BAD: variants seen among roughly 807,000 people sequenced by gnomAD.
BAD encodes the protein BCL2 associated agonist of cell death, also known as bcl2-associated agonist of cell death.
In BAD, 18 loss-of-function variants were observed where a neutral mutation model predicts 17.8. That is an observed-to-expected ratio of 1.01 (90% confidence interval 0.70 to 1.50). The LOEUF is 1.50. BAD is among the 40% of genes most tolerant of loss of function. The pLI is 0.00. For synonymous variants in BAD, 112 were observed against 91.5 expected (o/e 1.22, Z -1.28); for missense variants, 294 against 239.3 (o/e 1.23, Z -1.51).
In BAD at chr11:64,269,879, C is replaced by CA. The variant is rs1204242079; in HGVS notation, c.*329dup. On this transcript the variant is annotated 3_prime_UTR_variant, in exon 4 of 4. Transcript: ENST00000309032. ...AACATTTGGTAGTGAGCACGGCCCC[C>CA]AGGGCATCGCGGGGGCTCGGGTCCC... is the stretch of plus-strand genomic sequence containing the variant. 1.0e-5 allele frequency: 7 copies of CA among 699,254 alleles called. No homozygotes were observed. Among genetic ancestry groups the CA allele is most frequent in the African/African-American group, 1.7e-5 (1 of 57,180 alleles). The allele number at this position is 699,254 out of a possible 1,614,324, so 43.3% of individuals were successfully genotyped here. A position where few individuals can be genotyped will look rare whatever the true frequency, so the allele number is the denominator to read the frequency against.
intron 2 of BAD, among the ~76,000 whole-genome samples, chr11:64,282,957 C>G (rs749731290): frequency 1.3e-5 from 2 of 151,364 alleles, no homozygotes; most frequent in Non-Finnish European, 2.9e-5. Context: ...TTCCCAGTTA[C>G]GTGGGAGGAT....
rs927566353 is a variant in BAD, at chr11:64,271,634, G to A, written c.357C>T (p.Asp119=). 6.7e-7 allele frequency: 1 copy of A among 1,501,750 alleles called. No homozygotes were observed. Among genetic ancestry groups the A allele is most frequent in the South Asian group, 1.3e-5 (1 of 79,300 alleles). 93.0% of individuals were successfully genotyped at this position (1,501,750 alleles called of 1,614,324 possible). ...TCACCTTAAAGGAGTCCACAAACTC[G>A]TCACTCATCCTCCGGAGCTCGCGGC... ...RYGRELRRMS[D]EFVDSFKKGL... is the part of the protein sequence containing the mutation. The change falls in exon 3 of 4, where the codon GAC becomes GAT. Residue 119 remains aspartate (D), a synonymous_variant. Transcript: ENST00000309032.
intron 2 of BAD, chr11:64,275,832 C>T (rs2033016887): frequency 6.6e-6 from 1 of 151,972 alleles, no homozygotes; most frequent in South Asian, 2.1e-4. Context: ...GCAGAAGACA[C>T]TGGGCAGGTA....
chr11:64,274,708 C>G (rs1397524263), intron 2 of BAD, among the ~76,000 whole-genome samples: 5 of 152,056 alleles, frequency 3.3e-5, no homozygotes, highest in Non-Finnish European at 7.4e-5. Flanking sequence ...GTAATCCCAG[C>G]TACTCAGGAG....
At chr11:64,283,957 G>A (rs2033658081) in intron 2 of BAD, among the ~76,000 whole-genome samples, 1 of 152,320 alleles carries the variant, frequency 6.6e-6, no homozygotes, top group Non-Finnish European at 1.5e-5. Context: ...TAGCTTTAAT[G>A]TGCACCAGCT....
chr11:64,270,898 GAGACACACACACACAC>G (rs1565343969), intron 3 of BAD, among the ~76,000 whole-genome samples: 2 of 86,852 alleles, frequency 2.3e-5, no homozygotes, highest in Non-Finnish European at 4.7e-5. Flanking sequence ...CATGCCCTGT[GAGACACACACACACAC>G]ACACACACAC....
intron 2 of BAD, chr11:64,276,990 C>T (rs1303103409): frequency 8.3e-6 from 6 of 726,968 alleles, no homozygotes; most frequent in African/African-American, 6.9e-5. Flanking sequence ...AGCATCCCTG[C>T]ACTGGGATTT....
Position 64,270,027 on chromosome 11 carries a change from G to A in BAD, c.*182C>T. 2 of 1,212,104 alleles carry A rather than the reference G, an allele frequency of 1.7e-6. No homozygotes were observed. The highest frequency in any genetic ancestry group is 2.3e-6 in the Non-Finnish European group (2 of 861,802). The allele number at this position is 1,212,104 out of a possible 1,614,324, so 75.1% of individuals were successfully genotyped here. A position where few individuals can be genotyped will look rare whatever the true frequency, so the allele number is the denominator to read the frequency against. On this transcript the variant is annotated 3_prime_UTR_variant, in exon 4 of 4. Transcript: ENST00000309032. ...TGTGGGCGGAAAACCCAAAACTTCC[G>A]ATGGGACCAAGCCTTCCGTGGCTTC... is the stretch of plus-strand genomic sequence containing the variant.
chr11:64,280,603 G>A (rs1012829723), intron 2 of BAD, among the ~76,000 whole-genome samples: 2 of 150,526 alleles, frequency 1.3e-5, no homozygotes, highest in Non-Finnish European at 3.0e-5. Context: ...CGCCCGCCTC[G>A]GCCTCCCAAA....
intron 2 of BAD, among the ~76,000 whole-genome samples, chr11:64,272,339 A>G (rs2032698500): frequency 6.6e-6 from 1 of 151,666 alleles, no homozygotes; most frequent in Non-Finnish European, 1.5e-5. Flanking sequence ...AAAAGCAAGA[A>G]GTATTATTAG....
At chr11:64,276,906 C>A in intron 2 of BAD, 1 of 761,250 alleles carries the variant, frequency 1.3e-6, no homozygotes, top group East Asian at 2.5e-5. Context: ...CATGGCACCT[C>A]TAGCTTTACA....
intron 3 of BAD, 39 bp from the exon 4 acceptor site, chr11:64,270,376 C>A: frequency 6.6e-7 from 1 of 1,514,054 alleles, no homozygotes. Flanking sequence ...GTTAGATTAC[C>A]ATGGCAGCTC....
At position 64,271,648 on chromosome 11, in the gene BAD, G is replaced by A. The variant is rs1174857060; in HGVS notation, c.343C>T (p.Arg115Trp). 16 of 1,504,720 alleles carry A rather than the reference G, an allele frequency of 1.1e-5. No homozygotes were observed. The highest frequency in any genetic ancestry group is 1.4e-5 in the Non-Finnish European group (16 of 1,126,344). The allele number at this position is 1,504,720 out of a possible 1,614,324, so 93.2% of individuals were successfully genotyped here. The change falls in exon 3 of 4, where the codon CGG becomes TGG. Residue 115 changes from arginine to tryptophan, a missense_variant. By Grantham distance (101) the Arg-to-Trp change is moderately radical. Coordinates refer to ENST00000309032, the MANE Select transcript of BAD (RefSeq NM_032989.3). ...TCCACAAACTCGTCACTCATCCTCC[G>A]GAGCTCGCGGCCATAGCGCTGTGCT... ...WAAQRYGREL[R>W]RMSDEFVDSF...
chr11:64,284,152 C>T, intron 2 of BAD, 30 bp downstream of exon 2: 1 of 1,541,526 alleles, frequency 6.5e-7, no homozygotes, highest in Non-Finnish European at 8.7e-7. Context: ...GGTGAGGTGT[C>T]CCGGCAGGTG....
In BAD at chr11:64,270,268, C is replaced by T. The variant is rs1565343347; in HGVS notation, c.448G>A (p.Val150Ile). The change falls in exon 4 of 4, where the codon GTC becomes ATC. Residue 150 changes from valine (V) to isoleucine (I), a missense_variant. Physicochemically the swap from Val to Ile is conservative, Grantham distance 29 (BLOSUM62 3). Transcript: ENST00000309032. ...TTCCGATCCCACCAGGACTGGAAGA[C>T]TCGCGTCCAGCTGGAGCTTTGCCGC... ...QMRQSSSWTR[V>I]FQSWWDRNLG... is the part of the protein sequence containing the mutation. 3 of 1,594,792 alleles carry T rather than the reference C, an allele frequency of 1.9e-6. No homozygotes were observed. The highest frequency in any genetic ancestry group is 2.3e-5 in the East Asian group (1 of 44,434).
At chr11:64,276,677 G>C (rs1417755888) in intron 2 of BAD, 5 of 528,768 alleles carry the variant, frequency 9.5e-6, no homozygotes, top group Non-Finnish European at 1.7e-5. Context: ...AACCCTGGGG[G>C]AGTGTCTGTG....
intron 2 of BAD, 115 bp downstream of exon 2, chr11:64,284,067 T>G: frequency 3.1e-6 from 4 of 1,282,230 alleles, no homozygotes; most frequent in Non-Finnish European, 4.2e-6. Flanking sequence ...ACTGGGGCTC[T>G]GAGAGTTTGG....
intron 2 of BAD, among the ~76,000 whole-genome samples, chr11:64,273,146 A>G (rs997513254): frequency 3.3e-5 from 5 of 151,592 alleles, no homozygotes; most frequent in African/African-American, 1.2e-4. Context: ...AGGCAGGTGG[A>G]TCACCTGAGG....
chr11:64,280,615 T>C (rs1022972598), intron 2 of BAD, among the ~76,000 whole-genome samples: 6 of 151,352 alleles, frequency 4.0e-5, no homozygotes, highest in Admixed American at 6.6e-5. Flanking sequence ...CCTCCCAAAG[T>C]GCTGGGATTA....
Sources: gnomAD v4.1 joint callset for allele counts (sites outside exome capture counted in the v4.1 genomes callset) on GRCh38, gnomAD v4.1.1 for gene constraint, MANE v1.5 for transcripts, NCBI Gene and HGNC (gene_info 2026-07-23, HGNC 2026-07-21) for gene names.